The following ELL2 variants were observed in gnomAD, a reference collection of about 807,000 sequenced individuals.
The protein encoded by ELL2 is RNA polymerase II elongation factor ELL2.
In ELL2, 21 loss-of-function variants were observed where a neutral mutation model predicts 72.8. That is an observed-to-expected ratio of 0.29 (90% confidence interval 0.20 to 0.42). The LOEUF (loss-of-function observed/expected upper bound fraction) is 0.42, where lower values mean the gene tolerates loss of function less well. Among genes scored for constraint, ELL2 ranks in the 10% least tolerant of loss-of-function variants. ELL2 has a pLI of 1.00. For synonymous variants in ELL2, 266 were observed against 283.2 expected (o/e 0.94, Z 0.61); for missense variants, 568 against 772.8 (o/e 0.73, Z 3.14).
chr5:95,919,980 T>C (rs1749986997), intron 2 of ELL2, among the ~76,000 whole-genome samples: 1 of 152,172 alleles, frequency 6.6e-6, no homozygotes, highest in Non-Finnish European at 1.5e-5. Flanking sequence ...TAAGAGTCCA[T>C]ATCCGAATCT....
At position 95,886,825 on chromosome 5, in the gene ELL2, G is replaced by A. The variant is rs1225444935; in HGVS notation, c.*2046C>T. On this transcript the variant is annotated 3_prime_UTR_variant, in exon 12 of 12. Transcript: ENST00000237853. The stretch of plus-strand genomic sequence containing the variant: ...CAGATACTTGGGCCCTATACCTAGA[G>A]ATTCTAACTCAGGTGATCCAAATGG... The A allele has an allele frequency of 6.6e-6, 1 of 152,142 alleles. No individual in the cohort carries two copies. The highest frequency in any genetic ancestry group is 2.4e-5 in the African/African-American group (1 of 41,434). 9.4% of individuals were successfully genotyped at this position (152,142 alleles called of 1,614,324 possible).
rs1749688443 is a variant in ELL2, at chr5:95,913,793, G to C, written c.459C>G (p.Ile153Met). 1.9e-6 allele frequency: 3 copies of C among 1,611,344 alleles called. No individual in the cohort carries two copies. The highest frequency in any genetic ancestry group is 2.5e-6 in the Non-Finnish European group (3 of 1,178,904). ...EESRNRSTKVIKPGGPYVGKR... is the reference protein window; with the variant it reads ...EESRNRSTKVMKPGGPYVGKR... ...AACCTACATATGGTCCACCGGGTTT[G>C]ATAACTTTTGTGCTTCGGTTGCGGG... The change falls in exon 4 of 12, where the codon ATC becomes ATG. Residue 153 changes from isoleucine to methionine, a missense_variant. Ile to Met is a conservative substitution (Grantham distance 10). Around this residue, in one of 2 missense-constraint regions of ELL2, gnomAD observed 511 missense variants for 728.4 expected, o/e 0.70. Transcript: ENST00000237853.
intron 4 of ELL2, among the ~76,000 whole-genome samples, chr5:95,911,598 G>A (rs191576686): frequency 1.3e-5 from 2 of 152,194 alleles, no homozygotes; most frequent in East Asian, 1.9e-4. Context: ...TGCCCGCCTC[G>A]GCCTCCCAAA....
At chr5:95,958,467 C>G (rs150734600) in intron 1 of ELL2, among the ~76,000 whole-genome samples, 3 of 152,298 alleles carry the variant, frequency 2.0e-5, no homozygotes, top group African/African-American at 7.2e-5. Flanking sequence ...TAAGTACCAA[C>G]GGTACATTCA....
intron 1 of ELL2, among the ~76,000 whole-genome samples, chr5:95,960,546 G>T (rs1751794241): frequency 1.3e-5 from 2 of 151,874 alleles, no homozygotes; most frequent in Admixed American, 1.3e-4. Context: ...GTGTCCATGG[G>T]CTTCTCTCGA....
chr5:95,910,036 G>A (rs545286018), intron 4 of ELL2, among the ~76,000 whole-genome samples: 244 of 152,142 alleles, frequency 1.6e-3, no homozygotes, highest in Non-Finnish European at 2.1e-3. Context: ...CCATTGCAAG[G>A]GAAATCTCCA....
chr5:95,886,772 A>C lies in ELL2; in HGVS notation c.*2099T>G, dbSNP rs2112258813. On this transcript the variant is annotated 3_prime_UTR_variant, in exon 12 of 12. Coordinates refer to ENST00000237853, the MANE Select transcript of ELL2 (RefSeq NM_012081.6). ...GGTTCTCATACTTTAGCTTGCAGAA[A>C]GTCACCTACAAGAAACCTGTGAAAA... 1 of 152,300 alleles carries C rather than the reference A, an allele frequency of 6.6e-6. No individual in the cohort carries two copies. Among genetic ancestry groups the C allele is most frequent in the South Asian group, 2.1e-4 (1 of 4,830 alleles). 9.4% of individuals were successfully genotyped at this position (152,300 alleles called of 1,614,324 possible). A position where few individuals can be genotyped will look rare whatever the true frequency, so the allele number is the denominator to read the frequency against.
At chr5:95,947,147 T>C (rs1420352399) in intron 1 of ELL2, among the ~76,000 whole-genome samples, 1 of 152,144 alleles carries the variant, frequency 6.6e-6, no homozygotes. Context: ...CTGATTGTTA[T>C]GATACAGGAG....
At chr5:95,922,416 A>C (rs1469645678) in intron 2 of ELL2, among the ~76,000 whole-genome samples, 1 of 152,172 alleles carries the variant, frequency 6.6e-6, no homozygotes, top group Non-Finnish European at 1.5e-5. Flanking sequence ...CTATTTTTCA[A>C]GAGTGATTAG....
At chr5:95,960,299 C>T (rs561610213) in intron 1 of ELL2, among the ~76,000 whole-genome samples, 4 of 152,000 alleles carry the variant, frequency 2.6e-5, no homozygotes, top group Admixed American at 6.6e-5. Context: ...CAGGTTCCCC[C>T]ATATGGCATA....
chr5:95,957,721 G>T (rs1467206199), intron 1 of ELL2, among the ~76,000 whole-genome samples: 1 of 152,172 alleles, frequency 6.6e-6, no homozygotes, highest in Non-Finnish European at 1.5e-5. Flanking sequence ...CCTGAATAAT[G>T]AAGGTCAAGT....
chr5:95,892,393 C>T (rs1022152941), intron 9 of ELL2, among the ~76,000 whole-genome samples: 2 of 152,202 alleles, frequency 1.3e-5, no homozygotes, highest in African/African-American at 2.4e-5. Flanking sequence ...GTGATCCACC[C>T]GCCTTGGCCT....
At chr5:95,895,561 T>A in intron 9 of ELL2, 67 bp downstream of exon 9, 1 of 1,461,542 alleles carries the variant, frequency 6.8e-7, no homozygotes, top group Non-Finnish European at 9.5e-7. Context: ...TTGCAAATTA[T>A]GGGAAAAGAA....
At chr5:95,938,677 G>C (rs1750864564) in intron 2 of ELL2, among the ~76,000 whole-genome samples, 1 of 152,072 alleles carries the variant, frequency 6.6e-6, no homozygotes, top group African/African-American at 2.4e-5. Context: ...AGCTATGATT[G>C]TGCCACTTCA....
At chr5:95,956,258 C>A (rs1751624374) in intron 1 of ELL2, among the ~76,000 whole-genome samples, 1 of 152,300 alleles carries the variant, frequency 6.6e-6, no homozygotes. Flanking sequence ...GGGAGGAACA[C>A]CCTCCGTTGC....
At chr5:95,916,200 AG>A (rs1749790688) in intron 3 of ELL2, among the ~76,000 whole-genome samples, 1 of 152,012 alleles carries the variant, frequency 6.6e-6, no homozygotes, top group Non-Finnish European at 1.5e-5. Flanking sequence ...GGGGGAAAAA[AG>A]TTAAAGATCA....
intron 2 of ELL2, among the ~76,000 whole-genome samples, chr5:95,922,010 G>A (rs1389231480): frequency 6.6e-6 from 1 of 152,102 alleles, no homozygotes; most frequent in Non-Finnish European, 1.5e-5. Flanking sequence ...TGGGAATATA[G>A]CAGTACTTCC....
chr5:95,891,772 T>C (rs1370810169), intron 9 of ELL2, among the ~76,000 whole-genome samples: 2 of 152,238 alleles, frequency 1.3e-5, no homozygotes, highest in East Asian at 1.9e-4. Flanking sequence ...CTTTCAGATA[T>C]GCTGCTAGCA....
intron 9 of ELL2, among the ~76,000 whole-genome samples, chr5:95,893,640 C>T (rs953276596): frequency 8.5e-5 from 13 of 152,224 alleles, no homozygotes; most frequent in Non-Finnish European, 1.6e-4. Flanking sequence ...CCACCTCGGC[C>T]TCCCACAGTG....
Sources: gnomAD v4.1 joint callset for allele counts (sites outside exome capture counted in the v4.1 genomes callset) on GRCh38, gnomAD v4.1.1 for gene constraint, gnomAD v4.1.1 regional missense constraint, MANE v1.5 for transcripts, NCBI Gene and HGNC (gene_info 2026-07-23, HGNC 2026-07-21) for gene names.